The following CYP4F3 variants were observed in gnomAD, a reference collection of about 807,000 sequenced individuals.
CYP4F3 encodes the protein cytochrome P450 family 4 subfamily F member 3, also known as cytochrome P450 4F3.
A neutral mutation model predicts 54.8 loss-of-function variants in CYP4F3; 50 were observed. The observed-to-expected ratio is 0.91, with a 90% CI of 0.73 to 1.16. CYP4F3 has a LOEUF of 1.16. Among genes scored for constraint, CYP4F3 ranks in the 50% most tolerant of loss-of-function variants. The pLI is 0.00. For missense variants in CYP4F3, 715 were observed against 676.2 expected, an observed-to-expected ratio of 1.06 and a Z score of -0.64; for synonymous variants, 244 against 262.6, an observed-to-expected ratio of 0.93 and a Z score of 0.69.
chr19:15,646,634 G>A (rs1972633218), intron 3 of CYP4F3, among the ~76,000 whole-genome samples: 1 of 152,190 alleles, frequency 6.6e-6, no homozygotes, highest in African/African-American at 2.4e-5. Context: ...ACACATGTCA[G>A]TGTCATGTCT....
At chr19:15,656,375 A>T (rs1409450141) in intron 9 of CYP4F3, among the ~76,000 whole-genome samples, 1 of 152,200 alleles carries the variant, frequency 6.6e-6, no homozygotes, top group Admixed American at 6.5e-5. Flanking sequence ...CAAATGAGAC[A>T]TTACAGATAA....
intron 7 of CYP4F3, 108 bp from the exon 8 acceptor site, chr19:15,652,461 G>A (rs1169065526): frequency 2.0e-6 from 3 of 1,526,152 alleles, no homozygotes; most frequent in East Asian, 2.3e-5. Flanking sequence ...TGGGTTTCTC[G>A]AAAGAGGATG....
In CYP4F3 at chr19:15,656,509, C is replaced by CTATG. The variant is rs1568402240; in HGVS notation, c.1116-1752_1116-1751insGTAT. On this transcript the variant is annotated intron_variant, in intron 9 of 12. Transcript: ENST00000221307. The stretch of plus-strand genomic sequence containing the variant: ...TCTATCTATCTATCTATCTATCTAT[C>CTATG]TATCTATCTATCTATTTCTATCATC... 5.2e-3 allele frequency among the ~76,000 whole-genome samples: 337 copies of CTATG among 64,956 alleles called. 2 individuals carry two copies. Among genetic ancestry groups the CTATG allele is most frequent in the East Asian group, 0.041 (64 of 1,550 alleles). The allele number at this position is 64,956 out of a possible 152,430, so 42.6% of individuals were successfully genotyped here. A position where few individuals can be genotyped will look rare whatever the true frequency, so the allele number is the denominator to read the frequency against.
At chr19:15,648,205 C>A (rs1972687808) in intron 5 of CYP4F3, among the ~76,000 whole-genome samples, 1 of 151,958 alleles carries the variant, frequency 6.6e-6, no homozygotes, top group Admixed American at 6.6e-5. Flanking sequence ...CAAGAAACTC[C>A]TGGGTCAGAG....
At position 15,660,719 on chromosome 19, in the gene CYP4F3, ATT is replaced by A. The variant is rs200588031; in HGVS notation, c.*1348_*1349del. On this transcript the variant is annotated 3_prime_UTR_variant, in exon 13 of 13. Transcript: ENST00000221307. ...GACAAGACTTTGACAGGGGTGCCTA[ATT>A]TTTTTTTTTTTTTGAGATGGAGTCT... 4.2e-5 allele frequency: 6 copies of A among 143,390 alleles called. No homozygotes were observed. The highest frequency in any genetic ancestry group is 7.5e-5 in the Non-Finnish European group (5 of 66,376). The allele number at this position is 143,390 out of a possible 1,614,324, so 8.9% of individuals were successfully genotyped here. A position where few individuals can be genotyped will look rare whatever the true frequency, so the allele number is the denominator to read the frequency against.
chr19:15,659,626 A>G lies in CYP4F3; in HGVS notation c.*241A>G, dbSNP rs73926838. ...GCTATATATTACCAGATGAAAGGAT[A>G]AACAAAATATGGTCCATCCATACAA... On this transcript the variant is annotated 3_prime_UTR_variant, in exon 13 of 13. Coordinates refer to ENST00000221307, the MANE Select transcript of CYP4F3 (RefSeq NM_000896.3). 1,020 of 622,294 alleles carry G rather than the reference A, an allele frequency of 1.6e-3. 9 individuals carry two copies. The highest frequency in any genetic ancestry group is 0.015 in the African/African-American group (802 of 53,526). The allele number at this position is 622,294 out of a possible 1,614,324, so 38.5% of individuals were successfully genotyped here.
In CYP4F3 at chr19:15,650,001, C is replaced by T. The variant is rs143768369; in HGVS notation, c.736C>T (p.Leu246=). 9.3e-6 allele frequency: 15 copies of T among 1,614,076 alleles called. No individual in the cohort carries two copies. The highest frequency in any genetic ancestry group is 1.3e-5 in the Non-Finnish European group (15 of 1,180,046). The change falls in exon 7 of 13, where the codon CTG becomes TTG. Residue 246 remains leucine, a synonymous_variant. Transcript: ENST00000221307. ...GCAGATCCTCCTGTACATAGACTTC[C>T]TGTATTATCTCACCCCTGATGGGCA... ...HQQILLYIDF[L]YYLTPDGQRF...
At chr19:15,650,799 C>CTTCTTTCTT in intron 7 of CYP4F3, among the ~76,000 whole-genome samples, 1 of 17,088 alleles carries the variant, frequency 5.9e-5, no homozygotes, top group African/African-American at 3.2e-4. Context: ...TTCTTTCTTT[C>CTTCTTTCTT]TCTCTCTTCT....
At chr19:15,658,465 C>T in intron 10 of CYP4F3, 26 bp from the exon 11 acceptor site, 1 of 1,614,100 alleles carries the variant, frequency 6.2e-7, no homozygotes, top group Non-Finnish European at 8.5e-7. Flanking sequence ...GGAGCATTGT[C>T]CTGACTGCCC....
At chr19:15,648,571 A>G (rs899611333) in intron 5 of CYP4F3, among the ~76,000 whole-genome samples, 1 of 152,176 alleles carries the variant, frequency 6.6e-6, no homozygotes, top group African/African-American at 2.4e-5. Context: ...GGATATTTTT[A>G]TAATCAATTT....
intron 2 of CYP4F3, among the ~76,000 whole-genome samples, chr19:15,642,778 A>G (rs1202758721): frequency 6.6e-6 from 1 of 151,938 alleles, no homozygotes; most frequent in Non-Finnish European, 1.5e-5. Context: ...ATGCACAGAT[A>G]GGGTGAATAG....
Position 15,652,993 on chromosome 19 carries a change from A to G in CYP4F3, c.1115+41A>G, listed in dbSNP as rs758688560. 5 of 1,566,286 alleles carry G rather than the reference A, an allele frequency of 3.2e-6. No homozygotes were observed. In the South Asian group the frequency reaches 3.6e-5, roughly 11 times the overall value. On this transcript the variant is annotated intron_variant, in intron 9 of 12. Coordinates refer to ENST00000221307, the MANE Select transcript of CYP4F3 (RefSeq NM_000896.3). Reference sequence around the variant, plus strand: ...GGTGCCCTGTTCCTGAGCCTGTCTCATTGGCTCTGTTCCCCAGGTAGGGAG... The same window carrying G: ...GGTGCCCTGTTCCTGAGCCTGTCTCGTTGGCTCTGTTCCCCAGGTAGGGAG...
chr19:15,656,524 T>TCTATGTATGTATCTATCTATCTATCTATC (rs60912344), intron 9 of CYP4F3, among the ~76,000 whole-genome samples: 1 of 70,568 alleles, frequency 1.4e-5, no homozygotes, highest in Non-Finnish European at 2.6e-5. Context: ...TATCTATCTA[T>TCTATGTATGTATCTATCTATCTATCTATC]TTCTATCATC....
chr19:15,648,165 G>A (rs893476436), intron 5 of CYP4F3, among the ~76,000 whole-genome samples: 1 of 152,034 alleles, frequency 6.6e-6, no homozygotes, highest in Non-Finnish European at 1.5e-5. Context: ...TGTTAAGCTA[G>A]TTACTGTTTC....
At chr19:15,643,181 A>G (rs763888678) in intron 2 of CYP4F3, among the ~76,000 whole-genome samples, 14 of 152,138 alleles carry the variant, frequency 9.2e-5, no homozygotes, top group Admixed American at 2.0e-4. Context: ...AGGTAGGTAG[A>G]TAGATAATAG....
At chr19:15,650,288 A>C (rs1212534079) in intron 7 of CYP4F3, 105 bp downstream of exon 7, 1 of 1,604,868 alleles carries the variant, frequency 6.2e-7, no homozygotes, top group Admixed American at 1.7e-5. Context: ...GGAGCCATGG[A>C]AGGTGATTGA....
chr19:15,641,129 C>G (rs1972449477), intron 1 of CYP4F3, among the ~76,000 whole-genome samples, 184 bp downstream of exon 1: 1 of 152,182 alleles, frequency 6.6e-6, no homozygotes, highest in East Asian at 1.9e-4. Flanking sequence ...TGAAACCAAG[C>G]CCCTGGCAAC....
chr19:15,658,444 C>G, intron 10 of CYP4F3, 47 bp downstream of exon 10: 1 of 1,613,720 alleles, frequency 6.2e-7, no homozygotes, highest in Non-Finnish European at 8.5e-7. Flanking sequence ...GAAGAGGGGC[C>G]CCTCAGGCAG....
At chr19:15,655,366 C>G (rs1007924892) in intron 9 of CYP4F3, among the ~76,000 whole-genome samples, 4 of 152,106 alleles carry the variant, frequency 2.6e-5, no homozygotes, top group East Asian at 3.9e-4. Context: ...TGTGCAGAAG[C>G]TTTTTTGCTT....
Sources: allele counts gnomAD v4.1 joint callset (sites outside exome capture counted in the v4.1 genomes callset), GRCh38; gene constraint gnomAD v4.1.1; transcripts MANE v1.5; gene names NCBI Gene and HGNC (gene_info 2026-07-23, HGNC 2026-07-21).